The following DLGAP4 variants were observed in gnomAD, a reference collection of about 807,000 sequenced individuals.
The protein encoded by DLGAP4 is disks large-associated protein 4.
In DLGAP4, 18 loss-of-function variants were observed where a neutral mutation model predicts 86.9. The observed-to-expected ratio is 0.21, with a 90% CI of 0.14 to 0.31. DLGAP4 has a LOEUF of 0.31. Ranked by LOEUF, DLGAP4 falls within the 10% of genes least tolerant of loss-of-function variation. DLGAP4 has a pLI of 1.00. For missense variants in DLGAP4, 1,085 were observed against 1,362.6 expected (o/e 0.80, Z 3.21); for synonymous variants, 548 against 574.3 (o/e 0.95, Z 0.65).
At chr20:36,383,467 A>G (rs1165726321) in intron 2 of DLGAP4, among the ~76,000 whole-genome samples, 1 of 151,980 alleles carries the variant, frequency 6.6e-6, no homozygotes, top group Non-Finnish European at 1.5e-5. Context: ...ACTTGGCTGT[A>G]ACACTGTATC....
At chr20:36,423,837 G>C (rs746520592) in intron 2 of DLGAP4, among the ~76,000 whole-genome samples, 4 of 151,854 alleles carry the variant, frequency 2.6e-5, no homozygotes, top group Non-Finnish European at 4.4e-5. Flanking sequence ...GCGCTCACCT[G>C]TAATCCCAGC....
chr20:36,524,185 A>C, intron 10 of DLGAP4, 65 bp from the exon 11 acceptor site: 2 of 1,331,156 alleles, frequency 1.5e-6, no homozygotes, highest in Non-Finnish European at 2.2e-6. Flanking sequence ...GATTAAAAGC[A>C]TGATGCCATC....
intron 10 of DLGAP4, among the ~76,000 whole-genome samples, chr20:36,521,957 C>G (rs1241097101): frequency 1.3e-5 from 2 of 152,066 alleles, no homozygotes; most frequent in Non-Finnish European, 2.9e-5. Flanking sequence ...GTAAGTAGAT[C>G]ATTGTGAGAG....
intron 2 of DLGAP4, among the ~76,000 whole-genome samples, chr20:36,377,597 C>A (rs538570709): frequency 6.6e-6 from 1 of 152,186 alleles, no homozygotes; most frequent in Admixed American, 6.5e-5. Flanking sequence ...TCAGGGTGCT[C>A]CTGCCTGCCT....
intron 7 of DLGAP4, among the ~76,000 whole-genome samples, chr20:36,481,644 G>A (rs1484077466): frequency 2.0e-5 from 3 of 152,138 alleles, no homozygotes; most frequent in African/African-American, 7.2e-5. Flanking sequence ...TACTCATTCT[G>A]GGTCCCTAGT....
intron 2 of DLGAP4, among the ~76,000 whole-genome samples, chr20:36,401,213 C>T (rs776588761): frequency 5.3e-5 from 8 of 152,234 alleles, no homozygotes; most frequent in Non-Finnish European, 1.0e-4. Flanking sequence ...AACCAAATAT[C>T]CTACAATGAA....
At chr20:36,387,893 T>A (rs2425239) in intron 2 of DLGAP4, among the ~76,000 whole-genome samples, 96,874 of 152,024 alleles carry the variant, frequency 0.64, 31,092 homozygotes, top group South Asian at 0.82. Flanking sequence ...TCTACACTAA[T>A]CACTGTATCT....
At chr20:36,409,797 G>A (rs1166678801) in intron 2 of DLGAP4, among the ~76,000 whole-genome samples, 1 of 151,828 alleles carries the variant, frequency 6.6e-6, no homozygotes, top group Non-Finnish European at 1.5e-5. Flanking sequence ...ACTTTGGGAG[G>A]CCAAGGTGGG....
chr20:36,504,151 A>G lies in DLGAP4; in HGVS notation c.2512+3540A>G, dbSNP rs2036263678. Among the ~76,000 whole-genome samples the G allele has an allele frequency of 2.6e-5, 4 of 152,200 alleles. No individual in the cohort carries two copies. The South Asian group carries it at 6.2e-4, about 24-fold the overall frequency. On this transcript the variant is annotated intron_variant, in intron 10 of 12. Transcript: ENST00000339266. ...TTTAAGTGTGCAATTCAGTGGCATT[A>G]ATTATATTCACAATATTGCACTACC...
At chr20:36,310,002 G>T (rs1249490774) in intron 1 of DLGAP4, among the ~76,000 whole-genome samples, 3 of 152,072 alleles carry the variant, frequency 2.0e-5, no homozygotes, top group African/African-American at 7.2e-5. Flanking sequence ...TGGGGATTTG[G>T]GTAGATGGAG....
At chr20:36,330,952 G>GTTA (rs1415692444) in intron 1 of DLGAP4, among the ~76,000 whole-genome samples, 1 of 152,110 alleles carries the variant, frequency 6.6e-6, no homozygotes, top group Non-Finnish European at 1.5e-5. Context: ...TGTTGTTGTT[G>GTTA]TTATTATTAT....
intron 10 of DLGAP4, among the ~76,000 whole-genome samples, chr20:36,506,104 T>C (rs1384541107): frequency 6.6e-6 from 1 of 152,180 alleles, no homozygotes; most frequent in African/African-American, 2.4e-5. Flanking sequence ...TTACAGCACA[T>C]CTTAATTCAG....
Position 36,323,530 on chromosome 20 carries a change from T to G in DLGAP4, c.-304+17018T>G, listed in dbSNP as rs531070119. On this transcript the variant is annotated intron_variant, in intron 1 of 12. Transcript: ENST00000339266. ...GATAGACTTTTGGAATATTTCTAGT[T>G]TTTGACTATATGGATAGTGCTGCTT... 8.3e-4 allele frequency among the ~76,000 whole-genome samples: 126 copies of G among 152,376 alleles called. 1 individual carries two copies. Among genetic ancestry groups the G allele is most frequent in the Non-Finnish European group, 1.5e-3 (99 of 68,038 alleles).
intron 11 of DLGAP4, 82 bp downstream of exon 11, chr20:36,524,423 T>C: frequency 2.5e-6 from 3 of 1,190,040 alleles, no homozygotes. Context: ...TCGAAGCCTC[T>C]GTGCCCTCCT....
intron 2 of DLGAP4, among the ~76,000 whole-genome samples, chr20:36,367,644 G>A (rs887845770): frequency 6.6e-6 from 1 of 152,228 alleles, no homozygotes; most frequent in African/African-American, 2.4e-5. Context: ...GCCATGAGCT[G>A]TGCTGGAGGC....
At chr20:36,524,714 C>A (rs2147868334) in intron 11 of DLGAP4, among the ~76,000 whole-genome samples, 1 of 151,784 alleles carries the variant, frequency 6.6e-6, no homozygotes, top group East Asian at 1.9e-4. Flanking sequence ...ACCAGCCTGA[C>A]CAACATGGAG....
At chr20:36,413,124 C>T (rs909231680) in intron 2 of DLGAP4, among the ~76,000 whole-genome samples, 2 of 151,180 alleles carry the variant, frequency 1.3e-5, no homozygotes, top group African/African-American at 4.9e-5. Context: ...GGGTTACAGG[C>T]GTGTGCCACC....
intron 6 of DLGAP4, among the ~76,000 whole-genome samples, chr20:36,446,275 C>T (rs1241895627): frequency 6.6e-6 from 1 of 152,164 alleles, no homozygotes; most frequent in Non-Finnish European, 1.5e-5. Context: ...GGTTTCTTTC[C>T]TTGTAAAATA....
chr20:36,328,838 C>T (rs1431956388), intron 1 of DLGAP4, among the ~76,000 whole-genome samples: 1 of 151,388 alleles, frequency 6.6e-6, no homozygotes, highest in Non-Finnish European at 1.5e-5. Flanking sequence ...TACAGTGGCG[C>T]GATCTTGGCT....
Sources: gnomAD v4.1 joint callset for allele counts (sites outside exome capture counted in the v4.1 genomes callset) on GRCh38, gnomAD v4.1.1 for gene constraint, MANE v1.5 for transcripts, NCBI Gene and HGNC (gene_info 2026-07-23, HGNC 2026-07-21) for gene names.